Variants in ADAMTS19 observed in about 807,000 individuals in gnomAD.
ADAMTS19 encodes the protein ADAM metallopeptidase with thrombospondin type 1 motif 19.
Under a neutral mutation model 153.3 loss-of-function variants are expected in ADAMTS19, and 93 were observed. The ratio of observed to expected loss-of-function variants is 0.61; its 90% CI spans 0.51 to 0.72. The LOEUF (loss-of-function observed/expected upper bound fraction) is 0.72. Ranked by LOEUF, ADAMTS19 falls within the 30% of genes least tolerant of loss-of-function variation. The probability of loss-of-function intolerance (pLI) is 0.00; values close to 1 mark genes in which losing one functional copy is unlikely to be tolerated. For missense variants in ADAMTS19, 1,482 were observed against 1,552.1 expected (o/e 0.95, Z 0.76); for synonymous variants, 600 against 556.6 (o/e 1.08, Z -1.10).
At chr5:129,594,621 CA>C (rs1350235228) in intron 7 of ADAMTS19, among the ~76,000 whole-genome samples, 2 of 151,942 alleles carry the variant, frequency 1.3e-5, no homozygotes, top group Non-Finnish European at 2.9e-5. Flanking sequence ...GATTATAATG[CA>C]AAATTAATTA....
At chr5:129,675,876 A>C (rs1182358177) in intron 16 of ADAMTS19, among the ~76,000 whole-genome samples, 2 of 152,030 alleles carry the variant, frequency 1.3e-5, no homozygotes, top group African/African-American at 2.4e-5. Context: ...TAAAAATACA[A>C]AAATTAGCTG....
chr5:129,721,260 A>G (rs1756995481), intron 21 of ADAMTS19, among the ~76,000 whole-genome samples: 1 of 152,242 alleles, frequency 6.6e-6, no homozygotes, highest in Admixed American at 6.5e-5. Context: ...ATATTCAACT[A>G]TATCATAAAA....
At chr5:129,734,625 A>G (rs1192954534) in intron 21 of ADAMTS19, among the ~76,000 whole-genome samples, 1 of 152,024 alleles carries the variant, frequency 6.6e-6, no homozygotes, top group Non-Finnish European at 1.5e-5. Flanking sequence ...TGTCTGCTCA[A>G]GCATTACTGG....
At chr5:129,636,214 C>A (rs556184897) in intron 10 of ADAMTS19, among the ~76,000 whole-genome samples, 1 of 152,194 alleles carries the variant, frequency 6.6e-6, no homozygotes, top group African/African-American at 2.4e-5. Flanking sequence ...AAATTTAAAA[C>A]AAAAAGTATG....
At chr5:129,473,752 A>C (rs1750138115) in intron 2 of ADAMTS19, among the ~76,000 whole-genome samples, 1 of 152,132 alleles carries the variant, frequency 6.6e-6, no homozygotes, top group African/African-American at 2.4e-5. Flanking sequence ...TTTTAAAATG[A>C]AAGTTCCTAT....
At chr5:129,675,777 G>A (rs1754523392) in intron 16 of ADAMTS19, among the ~76,000 whole-genome samples, 2 of 152,128 alleles carry the variant, frequency 1.3e-5, no homozygotes, top group South Asian at 4.1e-4. Flanking sequence ...GCTCACACCT[G>A]TAATCCCAGC....
chr5:129,485,346 A>G (rs1459521149), intron 2 of ADAMTS19, among the ~76,000 whole-genome samples: 1 of 152,212 alleles, frequency 6.6e-6, no homozygotes, highest in Non-Finnish European at 1.5e-5. Flanking sequence ...GATGCAGCTA[A>G]AACAATGGTT....
intron 2 of ADAMTS19, among the ~76,000 whole-genome samples, chr5:129,508,503 T>C (rs1183910081): frequency 6.6e-6 from 1 of 152,052 alleles, no homozygotes; most frequent in African/African-American, 2.4e-5. Context: ...TTAAAACATG[T>C]CACTATGTGA....
At chr5:129,656,894 G>C (rs1018783975) in intron 14 of ADAMTS19, among the ~76,000 whole-genome samples, 1 of 152,142 alleles carries the variant, frequency 6.6e-6, no homozygotes, top group Non-Finnish European at 1.5e-5. Context: ...TTGCCAAGAG[G>C]CAATCTGGGT....
At chr5:129,460,666 C>G (rs1749616680) in intron 1 of ADAMTS19, 184 bp downstream of exon 1, 1 of 646,618 alleles carries the variant, frequency 1.5e-6, no homozygotes, top group Non-Finnish European at 2.7e-6. Context: ...TTCTGCCGGC[C>G]TCGTTTTAAC....
At chr5:129,470,822 T>C (rs1414176674) in intron 2 of ADAMTS19, among the ~76,000 whole-genome samples, 1 of 152,234 alleles carries the variant, frequency 6.6e-6, no homozygotes, top group Non-Finnish European at 1.5e-5. Flanking sequence ...TACCAAATGC[T>C]TCTGCTTTTC....
At chr5:129,615,177 A>G (rs1751450123) in intron 8 of ADAMTS19, among the ~76,000 whole-genome samples, 1 of 152,050 alleles carries the variant, frequency 6.6e-6, no homozygotes, top group African/African-American at 2.4e-5. Flanking sequence ...ACAGAATTGG[A>G]AAAAACTACT....
At chr5:129,706,526 G>T (rs955738206) in intron 21 of ADAMTS19, among the ~76,000 whole-genome samples, 2 of 148,258 alleles carry the variant, frequency 1.3e-5, no homozygotes, top group Admixed American at 6.8e-5. Context: ...CCAAGATAAC[G>T]CCATTGCGCT....
At chr5:129,586,019 T>A (rs1256064968) in intron 7 of ADAMTS19, among the ~76,000 whole-genome samples, 1 of 152,198 alleles carries the variant, frequency 6.6e-6, no homozygotes, top group Non-Finnish European at 1.5e-5. Context: ...TATAGACTAT[T>A]TTTTAGAGCA....
intron 8 of ADAMTS19, among the ~76,000 whole-genome samples, chr5:129,605,806 T>C (rs181500430): frequency 6.6e-6 from 1 of 152,162 alleles, no homozygotes; most frequent in African/African-American, 2.4e-5. Context: ...CATATACCAC[T>C]TACCCACTGA....
At chr5:129,654,201 T>C in intron 13 of ADAMTS19, 105 bp from the exon 14 acceptor site, 1 of 1,084,918 alleles carries the variant, frequency 9.2e-7, no homozygotes, top group Non-Finnish European at 1.3e-6. Flanking sequence ...TAATTAGCAT[T>C]GAATTATATT....
At chr5:129,638,929 G>T (rs1752672679) in intron 10 of ADAMTS19, among the ~76,000 whole-genome samples, 1 of 151,998 alleles carries the variant, frequency 6.6e-6, no homozygotes, top group East Asian at 1.9e-4. Context: ...TCAATACATA[G>T]TACATTTATG....
At position 129,642,405 on chromosome 5, in the gene ADAMTS19, T is replaced by A. The variant is rs1752831905; in HGVS notation, c.1872+445T>A. Among the ~76,000 whole-genome samples, 3 of 152,168 alleles carry A rather than the reference T, an allele frequency of 2.0e-5. No individual in the cohort carries two copies. In the South Asian group the frequency reaches 6.2e-4, roughly 31 times the overall value. ...AATAATCATCCATAAAATATTCCAGTTGACATTTGGAGATTAGTAAATATT... is the reference window on the plus strand; with the variant it reads ...AATAATCATCCATAAAATATTCCAGATGACATTTGGAGATTAGTAAATATT... On this transcript the variant is annotated intron_variant, in intron 11 of 22. Coordinates refer to ENST00000274487, the MANE Select transcript of ADAMTS19 (RefSeq NM_133638.6).
intron 6 of ADAMTS19, among the ~76,000 whole-genome samples, chr5:129,537,531 G>A (rs1391619212): frequency 3.3e-5 from 5 of 152,124 alleles, no homozygotes; most frequent in Non-Finnish European, 5.9e-5. Flanking sequence ...CAACCCAAAT[G>A]TCCAACAATG....
Sources: allele counts gnomAD v4.1 joint callset (sites outside exome capture counted in the v4.1 genomes callset), GRCh38; gene constraint gnomAD v4.1.1; transcripts MANE v1.5; gene names NCBI Gene and HGNC (gene_info 2026-07-23, HGNC 2026-07-21).